The following ASPM variants were observed in gnomAD, a reference collection of about 807,000 sequenced individuals.
ASPM encodes the protein abnormal spindle-like microcephaly-associated protein.
A neutral mutation model predicts 366.4 loss-of-function variants in ASPM; 256 were observed. The observed-to-expected ratio is 0.70, with a 90% confidence interval of 0.63 to 0.77. The LOEUF (loss-of-function observed/expected upper bound fraction) is 0.77, where lower values mean the gene tolerates loss of function less well. ASPM is among the 30% of genes least tolerant of loss of function. The pLI is 0.00. For missense variants in ASPM, 4,146 were observed against 4,090.4 expected, an observed-to-expected ratio of 1.01 and a Z score of -0.37; for synonymous variants, 1,414 against 1,342.9, an observed-to-expected ratio of 1.05 and a Z score of -1.16.
At position 197,108,686 on chromosome 1, in the gene ASPM, T is replaced by A. The variant is rs1657486670; in HGVS notation, c.4066-3501A>T. ...TCCTATACAAATTTAAAAAACAGAA[T>A]CTGGCAAGGTGTAGTAGCTCACACC... On this transcript the variant is annotated intron_variant, in intron 17 of 27. Coordinates refer to ENST00000367409, the MANE Select transcript of ASPM (RefSeq NM_018136.5). 2.0e-5 allele frequency among the ~76,000 whole-genome samples: 3 copies of A among 151,864 alleles called. No individual in the cohort carries two copies. The South Asian group carries it at 6.2e-4, about 32-fold the overall frequency.
intron 4 of ASPM, among the ~76,000 whole-genome samples, 179 bp from the exon 5 acceptor site, chr1:197,135,421 T>C (rs1426199835): frequency 6.6e-6 from 1 of 152,010 alleles, no homozygotes; most frequent in Admixed American, 6.6e-5. Flanking sequence ...CAGAGCAAAA[T>C]GGGGAAAAGT....
chr1:197,135,946 C>T (rs546195185), intron 4 of ASPM, among the ~76,000 whole-genome samples: 1 of 152,220 alleles, frequency 6.6e-6, no homozygotes, highest in African/African-American at 2.4e-5. Flanking sequence ...GAACAGGACT[C>T]TGTCCCAAAA....
chr1:197,091,246 GCA>G (rs1462187222), intron 22 of ASPM, among the ~76,000 whole-genome samples: 1 of 142,998 alleles, frequency 7.0e-6, no homozygotes, highest in Non-Finnish European at 1.6e-5. Context: ...GTGTGTGTGT[GCA>G]CACACATGCA....
At chr1:197,136,327 G>T (rs1474906362) in intron 4 of ASPM, among the ~76,000 whole-genome samples, 2 of 152,078 alleles carry the variant, frequency 1.3e-5, no homozygotes, top group Non-Finnish European at 2.9e-5. Flanking sequence ...AAGCTCTCTG[G>T]TAAAGGTAAA....
At chr1:197,116,733 G>A (rs921578638) in intron 17 of ASPM, among the ~76,000 whole-genome samples, 2 of 151,902 alleles carry the variant, frequency 1.3e-5, no homozygotes, top group South Asian at 2.1e-4. Context: ...TGCAGAATAC[G>A]AAATAAAAAA....
Position 197,101,314 on chromosome 1 carries a change from T to C in ASPM, c.7937A>G (p.His2646Arg). 2 of 1,611,668 alleles carry C rather than the reference T, an allele frequency of 1.2e-6. No individual in the cohort carries two copies. Among genetic ancestry groups the C allele is most frequent in the Non-Finnish European group, 8.5e-7 (1 of 1,178,890 alleles). The change falls in exon 18 of 28, where the codon CAC becomes CGC. Residue 2646 changes from histidine to arginine, a missense_variant. His to Arg is a conservative substitution (Grantham distance 29). Coordinates refer to ENST00000367409, the MANE Select transcript of ASPM (RefSeq NM_018136.5). Reference sequence around the variant, plus strand: ...AATAGAAACTACTGTTGCTCTAAGGTGGAGATAATGCTTCCTTATTTTAAA... The same window carrying C: ...AATAGAAACTACTGTTGCTCTAAGGCGGAGATAATGCTTCCTTATTTTAAA... ...KAFKIRKHYL[H>R]LRATVVSIQR...
At chr1:197,116,785 A>G (rs917100556) in intron 17 of ASPM, among the ~76,000 whole-genome samples, 1 of 152,182 alleles carries the variant, frequency 6.6e-6, no homozygotes, top group African/African-American at 2.4e-5. Context: ...ATCTCAAAAA[A>G]TGTAATAATA....
chr1:197,130,122 G>T, intron 7 of ASPM, 66 bp from the exon 8 acceptor site: 2 of 1,529,936 alleles, frequency 1.3e-6, no homozygotes. Flanking sequence ...AAGTGACTGA[G>T]GAATGGCAGA....
chr1:197,135,952 C>CA (rs1658409023), intron 4 of ASPM, among the ~76,000 whole-genome samples: 3 of 151,978 alleles, frequency 2.0e-5, no homozygotes, highest in South Asian at 2.1e-4. Context: ...GACTCTGTCC[C>CA]AAAAAACAAA....
At chr1:197,140,110 C>T (rs953864399) in intron 3 of ASPM, among the ~76,000 whole-genome samples, 6 of 152,170 alleles carry the variant, frequency 3.9e-5, no homozygotes, top group Non-Finnish European at 8.8e-5. Context: ...AGTCTAGATT[C>T]AACCAAAACT....
In ASPM at chr1:197,090,990, TATG is replaced by T; in HGVS notation, c.9493_9495del (p.His3165del). ...CCTTCATGCTCAATCTTTTTGATGC[TATG>T]ATATTTCTGAATAAATCTCTTTTCT... On this transcript the variant is annotated inframe_deletion, in exon 23 of 28. Coordinates refer to ENST00000367409, the MANE Select transcript of ASPM (RefSeq NM_018136.5). 5 of 1,612,658 alleles carry T rather than the reference TATG, an allele frequency of 3.1e-6. No homozygotes were observed. Among genetic ancestry groups the T allele is most frequent in the East Asian group, 2.2e-5 (1 of 44,800 alleles).
chr1:197,129,263 C>A lies in ASPM; in HGVS notation c.2684G>T (p.Cys895Phe). Residue 895 changes from cysteine (C) to phenylalanine (F), a missense_variant, in exon 9 of 28, where the codon TGT becomes TTT. Around this residue, in one of 3 missense-constraint regions of ASPM, gnomAD observed 3,624 missense variants for 3,591.7 expected, o/e 1.01. Transcript: ENST00000367409. The stretch of plus-strand genomic sequence containing the variant: ...GGAAATTTTAGCATAATCAAGAAAA[C>A]AGACCAACAACAATAACTTTTTCAA... ...FTLKKLLLLV[C>F]FLDYAKISRL... is the part of the protein sequence containing the mutation. The A allele has an allele frequency of 6.2e-7, 1 of 1,612,682 alleles. No individual in the cohort carries two copies.
At chr1:197,131,164 C>T (rs988823905) in intron 7 of ASPM, among the ~76,000 whole-genome samples, 3 of 152,142 alleles carry the variant, frequency 2.0e-5, no homozygotes, top group South Asian at 2.1e-4. Flanking sequence ...ATTATTTATT[C>T]TCTCTGGGCC....
chr1:197,087,229 C>T (rs528930192), intron 26 of ASPM, among the ~76,000 whole-genome samples: 48 of 152,004 alleles, frequency 3.2e-4, no homozygotes, highest in African/African-American at 9.4e-4. Context: ...CACCCGCCAC[C>T]ACACCCGGCT....
rs771924843 is a variant in ASPM, at chr1:197,128,582, T to C, written c.2844A>G (p.Gly948=). 1 of 1,613,682 alleles carries C rather than the reference T, an allele frequency of 6.2e-7. No individual in the cohort carries two copies. The highest frequency in any genetic ancestry group is 1.1e-5 in the South Asian group (1 of 91,070). The part of the protein sequence containing the change: ...GDLSRHLGLL[G]LPVNHVQTPF... Reference sequence around the variant, plus strand: ...GTGTCTGAACATGGTTAACAGGTAATCCCAATAAGCCAAGGTGACGGGAAA... The same window carrying C: ...GTGTCTGAACATGGTTAACAGGTAACCCCAATAAGCCAAGGTGACGGGAAA... The change falls in exon 10 of 28, where the codon GGA becomes GGG. Residue 948 remains glycine, a synonymous_variant. Transcript: ENST00000367409.
chr1:197,090,153 T>C (rs764896157), intron 24 of ASPM, 43 bp downstream of exon 24: 1 of 1,612,310 alleles, frequency 6.2e-7, no homozygotes, highest in Non-Finnish European at 8.5e-7. Flanking sequence ...TAGCTAATAA[T>C]GTAGTATTAC....
intron 9 of ASPM, 108 bp downstream of exon 9, chr1:197,129,079 T>C: frequency 7.8e-7 from 1 of 1,289,606 alleles, no homozygotes; most frequent in Admixed American, 2.0e-5. Context: ...CTCTGAGTAT[T>C]ATTCTTTGGA....
intron 10 of ASPM, among the ~76,000 whole-genome samples, chr1:197,126,037 A>T (rs1340881880): frequency 6.6e-6 from 1 of 152,178 alleles, no homozygotes; most frequent in Non-Finnish European, 1.5e-5. Flanking sequence ...ATCAAAACAG[A>T]AATTTGGTTA....
At chr1:197,091,174 C>T (rs796178682) in intron 22 of ASPM, 133 bp from the exon 23 acceptor site, 1 of 823,762 alleles carries the variant, frequency 1.2e-6, no homozygotes, top group African/African-American at 1.7e-5. Flanking sequence ...TCCACAGAGG[C>T]ATTACTTCCC....
Sources: gnomAD v4.1 joint callset for allele counts (sites outside exome capture counted in the v4.1 genomes callset) on GRCh38, gnomAD v4.1.1 for gene constraint, gnomAD v4.1.1 regional missense constraint, MANE v1.5 for transcripts, NCBI Gene and HGNC (gene_info 2026-07-23, HGNC 2026-07-21) for gene names.